OPCML: variants seen among roughly 807,000 people sequenced by gnomAD.
The protein encoded by OPCML is opioid binding protein/cell adhesion molecule like, also known as opioid-binding protein/cell adhesion molecule.
OPCML carries 13 observed loss-of-function variants against 37.8 expected under a neutral mutation model. The ratio of observed to expected loss-of-function variants is 0.34; its 90% CI spans 0.22 to 0.55. OPCML has a LOEUF of 0.55. OPCML is among the 20% of genes least tolerant of loss of function. The probability of loss-of-function intolerance (pLI) is 0.91; values close to 1 mark genes in which losing one functional copy is unlikely to be tolerated. For missense variants in OPCML, 341 were observed against 435.6 expected (o/e 0.78, Z 1.93); for synonymous variants, 176 against 168.8 (o/e 1.04, Z -0.33).
intron 3 of OPCML, among the ~76,000 whole-genome samples, chr11:132,533,333 A>G (rs2096331509): frequency 1.3e-5 from 2 of 152,160 alleles, no homozygotes; most frequent in Non-Finnish European, 2.9e-5. Context: ...CAGATGGGTA[A>G]TAGCTAGGCA....
At chr11:132,801,740 A>G (rs1161064185) in intron 2 of OPCML, among the ~76,000 whole-genome samples, 1 of 152,160 alleles carries the variant, frequency 6.6e-6, no homozygotes, top group Admixed American at 6.5e-5. Flanking sequence ...TATGCCTCTC[A>G]GGTTAAGTCT....
chr11:133,500,667 C>T (rs538494528), intron 1 of OPCML, among the ~76,000 whole-genome samples: 7 of 152,300 alleles, frequency 4.6e-5, no homozygotes, highest in South Asian at 2.1e-4. Flanking sequence ...GAGAATTACC[C>T]GGCTCGAGTC....
At chr11:132,427,956 G>A (rs2095983229) in intron 7 of OPCML, among the ~76,000 whole-genome samples, 1 of 152,212 alleles carries the variant, frequency 6.6e-6, no homozygotes, top group South Asian at 2.1e-4. Context: ...AAGCAATGGT[G>A]TTTCTCTCTG....
At chr11:132,721,455 T>A (rs2135980162) in intron 2 of OPCML, among the ~76,000 whole-genome samples, 1 of 152,202 alleles carries the variant, frequency 6.6e-6, no homozygotes, top group South Asian at 2.1e-4. Flanking sequence ...GCAAGGCATG[T>A]GAGGACAGGT....
At chr11:133,421,087 T>C (rs770096518) in intron 1 of OPCML, 33 of 985,304 alleles carry the variant, frequency 3.3e-5, no homozygotes, top group Non-Finnish European at 3.6e-5. Context: ...GCAAACATAA[T>C]CTGCGGTCAG....
chr11:132,441,087 AAGAC>A (rs2096031009), intron 4 of OPCML, among the ~76,000 whole-genome samples: 1 of 151,974 alleles, frequency 6.6e-6, no homozygotes, highest in South Asian at 2.1e-4. Context: ...GAAGGAAAGA[AAGAC>A]AGAGGTGGGG....
At chr11:133,209,696 G>GTGTT (rs1190356836) in intron 1 of OPCML, among the ~76,000 whole-genome samples, 2 of 152,168 alleles carry the variant, frequency 1.3e-5, no homozygotes, top group Non-Finnish European at 2.9e-5. Flanking sequence ...TATGAATGGT[G>GTGTT]TGTTGAACAA....
At chr11:132,442,027 G>C (rs1592180234) in intron 4 of OPCML, among the ~76,000 whole-genome samples, 1 of 152,200 alleles carries the variant, frequency 6.6e-6, no homozygotes, top group African/African-American at 2.4e-5. Context: ...TGGCCTGCTG[G>C]CTCTGACCTC....
chr11:133,079,672 G>C (rs1591981471), intron 1 of OPCML, among the ~76,000 whole-genome samples: 1 of 151,930 alleles, frequency 6.6e-6, no homozygotes, highest in South Asian at 2.1e-4. Context: ...CCAGCTCACC[G>C]TGTGACCTCA....
At chr11:133,345,610 T>G (rs2136680051) in intron 1 of OPCML, among the ~76,000 whole-genome samples, 1 of 152,342 alleles carries the variant, frequency 6.6e-6, no homozygotes, top group South Asian at 2.1e-4. Context: ...TGTGCCATTT[T>G]CCTACCACAA....
At chr11:132,571,901 G>T (rs1016445360) in intron 3 of OPCML, among the ~76,000 whole-genome samples, 1 of 152,040 alleles carries the variant, frequency 6.6e-6, no homozygotes, top group African/African-American at 2.4e-5. Flanking sequence ...GTAAGCAAGG[G>T]TTCCAAATCC....
At chr11:133,108,514 C>T (rs1033798110) in intron 1 of OPCML, among the ~76,000 whole-genome samples, 2 of 152,150 alleles carry the variant, frequency 1.3e-5, no homozygotes, top group Non-Finnish European at 2.9e-5. Context: ...GAATGTCGTG[C>T]GCTAGAGCTT....
chr11:132,775,876 G>C (rs1438632071), intron 2 of OPCML, among the ~76,000 whole-genome samples: 1 of 152,190 alleles, frequency 6.6e-6, no homozygotes, highest in African/African-American at 2.4e-5. Context: ...AGATATATAA[G>C]TTAAAGTACA....
At chr11:132,766,408 C>G (rs1946444254) in intron 2 of OPCML, among the ~76,000 whole-genome samples, 1 of 152,156 alleles carries the variant, frequency 6.6e-6, no homozygotes, top group Admixed American at 6.5e-5. Flanking sequence ...GCTAGCATCA[C>G]CAATACTGAG....
At chr11:133,003,591 A>T (rs1947052405) in intron 1 of OPCML, 1 of 932,524 alleles carries the variant, frequency 1.1e-6, no homozygotes, top group South Asian at 4.9e-5. Context: ...AGGAATTAGA[A>T]GTTGGATATT....
At position 132,987,381 on chromosome 11, in the gene OPCML, C is replaced by T. The variant is rs574771043; in HGVS notation, c.62-44371G>A. Among the ~76,000 whole-genome samples the T allele has an allele frequency of 3.0e-4, 46 of 152,178 alleles. No individual in the cohort carries two copies. In the East Asian group the frequency reaches 5.6e-3, roughly 19 times the overall value. ...GAACGTGAAGACCAAGGGGCCTCTGCGTGTACCTGGGGCAGCAAGCAGTTC... is the reference window on the plus strand; with the variant it reads ...GAACGTGAAGACCAAGGGGCCTCTGTGTGTACCTGGGGCAGCAAGCAGTTC... On this transcript the variant is annotated intron_variant, in intron 1 of 7. Transcript: ENST00000524381.
At chr11:133,498,725 G>A (rs1237993938) in intron 1 of OPCML, among the ~76,000 whole-genome samples, 1 of 152,182 alleles carries the variant, frequency 6.6e-6, no homozygotes, top group Non-Finnish European at 1.5e-5. Flanking sequence ...CACTTAATAG[G>A]AAGGATATGA....
chr11:133,483,850 T>C (rs559810960), intron 1 of OPCML, among the ~76,000 whole-genome samples: 12 of 128,954 alleles, frequency 9.3e-5, no homozygotes, highest in East Asian at 4.5e-4. Context: ...AGATGATAGA[T>C]GGATAGATAG....
intron 1 of OPCML, among the ~76,000 whole-genome samples, chr11:133,156,646 T>A (rs952760332): frequency 2.0e-5 from 3 of 152,140 alleles, no homozygotes; most frequent in Non-Finnish European, 4.4e-5. Context: ...AAAAGTAATA[T>A]GTAACAATTT....
Sources: allele counts gnomAD v4.1 joint callset (sites outside exome capture counted in the v4.1 genomes callset), GRCh38; gene constraint gnomAD v4.1.1; transcripts MANE v1.5; gene names NCBI Gene and HGNC (gene_info 2026-07-23, HGNC 2026-07-21).